The following PALM2AKAP2 variants were observed in gnomAD, a reference collection of about 807,000 sequenced individuals.
PALM2AKAP2 encodes PALM2 and AKAP2 fusion, also known as PALM2-AKAP2 fusion protein.
A neutral mutation model predicts 71.5 loss-of-function variants in PALM2AKAP2; 37 were observed. The observed-to-expected ratio is 0.52, with a 90% CI of 0.40 to 0.68. The LOEUF (loss-of-function observed/expected upper bound fraction) is 0.68, where lower values mean the gene tolerates loss of function less well. PALM2AKAP2 is among the 30% of genes least tolerant of loss of function. PALM2AKAP2 has a pLI of 0.00. For synonymous variants in PALM2AKAP2, 468 were observed against 478.8 expected (o/e 0.98, Z 0.29); for missense variants, 1,224 against 1,191.8 (o/e 1.03, Z -0.40).
intron 1 of PALM2AKAP2, among the ~76,000 whole-genome samples, chr9:109,792,464 T>A (rs1827140055): frequency 6.6e-6 from 1 of 152,206 alleles, no homozygotes; most frequent in Admixed American, 6.5e-5. Flanking sequence ...TCTCTCAATT[T>A]GAACACATGC....
At chr9:110,053,673 G>A (rs7038070) in intron 1 of PALM2AKAP2, among the ~76,000 whole-genome samples, 6,700 of 152,284 alleles carry the variant, frequency 0.044, 472 homozygotes, top group African/African-American at 0.15. Flanking sequence ...CCCTGTGGAG[G>A]CAGAATGCTG....
chr9:109,796,896 T>C (rs982807956), intron 1 of PALM2AKAP2, among the ~76,000 whole-genome samples: 12 of 152,138 alleles, frequency 7.9e-5, no homozygotes, highest in Non-Finnish European at 1.5e-4. Context: ...AGCCAAACCA[T>C]ATCATATAGG....
chr9:109,697,167 G>A (rs1827984190), intron 1 of PALM2AKAP2, among the ~76,000 whole-genome samples: 1 of 151,908 alleles, frequency 6.6e-6, no homozygotes, highest in African/African-American at 2.4e-5. Flanking sequence ...TCCATATAAT[G>A]GAGTACCACC....
chr9:109,999,725 A>G (rs540399330), intron 6 of PALM2AKAP2, among the ~76,000 whole-genome samples: 3 of 152,368 alleles, frequency 2.0e-5, no homozygotes, highest in African/African-American at 7.2e-5. Context: ...CATGAGACAC[A>G]TGTCAGGGCT....
chr9:109,800,412 G>T (rs1330036549), intron 1 of PALM2AKAP2, among the ~76,000 whole-genome samples: 1 of 152,150 alleles, frequency 6.6e-6, no homozygotes, highest in Admixed American at 6.5e-5. Context: ...ACTTGAGGAG[G>T]TTTAACGTTA....
intron 6 of PALM2AKAP2, among the ~76,000 whole-genome samples, chr9:109,989,948 A>G (rs1832444827): frequency 6.6e-6 from 1 of 152,244 alleles, no homozygotes. Context: ...CCAAAAGGGG[A>G]AAACATAGTT....
intron 1 of PALM2AKAP2, among the ~76,000 whole-genome samples, chr9:109,823,672 C>T (rs1340939105): frequency 1.3e-5 from 2 of 152,144 alleles, no homozygotes; most frequent in Non-Finnish European, 2.9e-5. Flanking sequence ...AGAGTTGGCT[C>T]TCCCTGTTAC....
At chr9:110,011,089 A>G (rs1832879187) in intron 6 of PALM2AKAP2, among the ~76,000 whole-genome samples, 1 of 144,568 alleles carries the variant, frequency 6.9e-6, no homozygotes, top group South Asian at 2.1e-4. Flanking sequence ...TAAATTATAT[A>G]TTTCTCTATA....
intron 6 of PALM2AKAP2, among the ~76,000 whole-genome samples, chr9:109,996,991 C>T (rs10980137): frequency 0.3 from 45,560 of 152,046 alleles, 8,493 homozygotes; most frequent in Non-Finnish European, 0.43. Context: ...GAGTTCAAGA[C>T]CAGCCTGGCG....
chr9:109,691,964 A>G (rs1334228395), intron 1 of PALM2AKAP2, among the ~76,000 whole-genome samples: 4 of 142,160 alleles, frequency 2.8e-5, no homozygotes, highest in African/African-American at 1.0e-4. Context: ...ATACATATAT[A>G]TCTCCATCTC....
In PALM2AKAP2 at chr9:110,091,669, A is replaced by C. The variant is rs532361100; in HGVS notation, c.156+42814A>C. On this transcript the variant is annotated intron_variant, in intron 1 of 3. Transcript: ENST00000374525. ...AGTAGAGATGGGGTTTCACCGTGTT[A>C]GCCAGGATGGTCTTGATCTCCTGAC... 2.9e-4 allele frequency among the ~76,000 whole-genome samples: 44 copies of C among 151,952 alleles called. No individual in the cohort carries two copies. In the East Asian group the frequency reaches 6.8e-3, roughly 23 times the overall value.
intron 6 of PALM2AKAP2, among the ~76,000 whole-genome samples, chr9:109,982,589 TA>T (rs1832296845): frequency 6.6e-6 from 1 of 152,216 alleles, no homozygotes; most frequent in South Asian, 2.1e-4. Flanking sequence ...TCATATATTA[TA>T]CCTACAGTGT....
chr9:109,657,938 T>TTGTGTGTGTGTGTGTGTGTGTG (rs35984840), intron 1 of PALM2AKAP2, among the ~76,000 whole-genome samples: 1 of 142,440 alleles, frequency 7.0e-6, no homozygotes, highest in Non-Finnish European at 1.5e-5. Context: ...TTGTGTGTGT[T>TTGTGTGTGTGTGTGTGTGTGTG]TGTGTGTGTG....
chr9:109,908,577 T>C (rs982596773), intron 3 of PALM2AKAP2, among the ~76,000 whole-genome samples: 2 of 152,262 alleles, frequency 1.3e-5, no homozygotes, highest in African/African-American at 4.8e-5. Context: ...GCATATCATC[T>C]GGCATTGTCT....
intron 1 of PALM2AKAP2, among the ~76,000 whole-genome samples, chr9:110,094,488 G>T (rs1243923714): frequency 6.6e-6 from 1 of 152,178 alleles, no homozygotes; most frequent in Non-Finnish European, 1.5e-5. Flanking sequence ...TAGGAGGCAT[G>T]GTTCTGGTAT....
At chr9:109,716,313 T>C (rs1196735606) in intron 1 of PALM2AKAP2, among the ~76,000 whole-genome samples, 2 of 152,178 alleles carry the variant, frequency 1.3e-5, no homozygotes, top group African/African-American at 4.8e-5. Context: ...CTGTGGCCAC[T>C]GAATCCAGAT....
intron 7 of PALM2AKAP2, among the ~76,000 whole-genome samples, chr9:110,027,886 A>C (rs546787236): frequency 6.6e-6 from 1 of 152,344 alleles, no homozygotes; most frequent in Admixed American, 6.5e-5. Context: ...GATGATGACG[A>C]CATTGAAAGG....
At chr9:110,063,011 C>A (rs1833996925) in intron 1 of PALM2AKAP2, among the ~76,000 whole-genome samples, 1 of 152,152 alleles carries the variant, frequency 6.6e-6, no homozygotes, top group African/African-American at 2.4e-5. Context: ...CCAGGCCCTG[C>A]CAGACTCAAA....
At chr9:109,903,637 C>G in intron 3 of PALM2AKAP2, among the ~76,000 whole-genome samples, 1 of 152,126 alleles carries the variant, frequency 6.6e-6, no homozygotes, top group East Asian at 1.9e-4. Flanking sequence ...TACACAATAC[C>G]AAATCAGCAG....
Sources: gnomAD v4.1 joint callset for allele counts (sites outside exome capture counted in the v4.1 genomes callset) on GRCh38, gnomAD v4.1.1 for gene constraint, MANE v1.5 for transcripts, NCBI Gene and HGNC (gene_info 2026-07-23, HGNC 2026-07-21) for gene names.